Variants in YTHDF2 observed in about 807,000 individuals in gnomAD.
YTHDF2 encodes YTH N6-methyladenosine RNA binding protein F2.
YTHDF2 carries 2 observed loss-of-function variants against 50.4 expected under a neutral mutation model. The observed-to-expected ratio is 0.04, with a 90% confidence interval of 0.02 to 0.12. The LOEUF (loss-of-function observed/expected upper bound fraction) is 0.12. Among genes scored for constraint, YTHDF2 ranks in the 10% least tolerant of loss-of-function variants. YTHDF2 has a pLI of 1.00. For missense variants in YTHDF2, 483 were observed against 722.6 expected (o/e 0.67, Z 3.80); for synonymous variants, 217 against 255.6 (o/e 0.85, Z 1.44).
At chr1:28,751,912 G>A (rs1039321378) in intron 4 of YTHDF2, among the ~76,000 whole-genome samples, 2 of 152,200 alleles carry the variant, frequency 1.3e-5, no homozygotes, top group Non-Finnish European at 2.9e-5. Flanking sequence ...AGTAATAATA[G>A]AATGATAAGC....
chr1:28,744,449 C>T (rs528403101), intron 4 of YTHDF2, among the ~76,000 whole-genome samples: 1 of 152,270 alleles, frequency 6.6e-6, no homozygotes, highest in Non-Finnish European at 1.5e-5. Flanking sequence ...CTTGAAATCA[C>T]TTCTGTCTTC....
At chr1:28,752,999 C>G (rs2087980128) in intron 4 of YTHDF2, among the ~76,000 whole-genome samples, 1 of 151,292 alleles carries the variant, frequency 6.6e-6, no homozygotes, top group African/African-American at 2.4e-5. Context: ...GAGCTGTGAT[C>G]ATGCCACTGC....
intron 4 of YTHDF2, among the ~76,000 whole-genome samples, chr1:28,746,489 C>G (rs2087862652): frequency 6.6e-6 from 1 of 151,646 alleles, no homozygotes; most frequent in South Asian, 2.1e-4. Context: ...CTTGTAATCC[C>G]AGCACATTGG....
chr1:28,750,634 ATAAG>A (rs1397467210), intron 4 of YTHDF2, among the ~76,000 whole-genome samples: 4 of 152,218 alleles, frequency 2.6e-5, no homozygotes, highest in Admixed American at 6.5e-5. Flanking sequence ...TACACGTAAA[ATAAG>A]TAAGAACGGA....
intron 4 of YTHDF2, among the ~76,000 whole-genome samples, chr1:28,752,296 T>TTTGTTGTTGTTG (rs56879000): frequency 6.6e-6 from 1 of 151,290 alleles, no homozygotes; most frequent in Non-Finnish European, 1.5e-5. Context: ...CTGTGGTGTT[T>TTTGTTGTTGTTG]TTGTTGTTGT....
intron 4 of YTHDF2, among the ~76,000 whole-genome samples, chr1:28,756,082 ACT>A (rs762050789): frequency 1.7e-4 from 26 of 151,926 alleles, no homozygotes; most frequent in Non-Finnish European, 3.5e-4. Context: ...CATTCAAAAG[ACT>A]CTGCATGTTT....
At position 28,743,222 on chromosome 1, in the gene YTHDF2, G is replaced by A. The variant is rs766300241; in HGVS notation, c.952G>A (p.Ala318Thr). Residue 318 changes from alanine (A) to threonine (T), a missense_variant, in exon 4 of 5, where the codon GCT (alanine) becomes ACT (threonine). Physicochemically the swap from Ala to Thr is moderately conservative, Grantham distance 58. Around this residue, in one of 4 missense-constraint regions of YTHDF2, gnomAD observed 385 missense variants for 475.8 expected, o/e 0.81. Transcript: ENST00000373812. This position sits in a 1 kb window ranked among gnomAD's most constrained non-coding sequence, Gnocchi z 6.9. ...GQQANNSPPV[A>T]QASVGQQTQP... ...GCAGGCTAACAATAGCCCACCAGTG[G>A]CTCAGGCATCAGTAGGGCAACAGAC... 11 of 1,614,092 alleles carry A rather than the reference G, an allele frequency of 6.8e-6. No individual in the cohort carries two copies. The highest frequency in any genetic ancestry group is 9.3e-6 in the Non-Finnish European group (11 of 1,180,030).
At chr1:28,741,908 TGTA>T (rs760108909) in intron 3 of YTHDF2, among the ~76,000 whole-genome samples, 1 of 152,224 alleles carries the variant, frequency 6.6e-6, no homozygotes, top group Non-Finnish European at 1.5e-5. Flanking sequence ...TTTACTTAGT[TGTA>T]GTGCTAAAGC....
chr1:28,762,793 G>T (rs1369294671), intron 4 of YTHDF2, among the ~76,000 whole-genome samples: 1 of 152,066 alleles, frequency 6.6e-6, no homozygotes, highest in East Asian at 1.9e-4. Flanking sequence ...ATGGCTTTTT[G>T]TATATTTCCT....
intron 3 of YTHDF2, chr1:28,739,218 A>C (rs1473778321): frequency 6.6e-6 from 1 of 151,716 alleles, no homozygotes; most frequent in Non-Finnish European, 1.5e-5. Context: ...AAAAATAGTC[A>C]CCTGAACTTC....
chr1:28,755,283 G>C (rs906509624), intron 4 of YTHDF2, among the ~76,000 whole-genome samples: 7 of 152,106 alleles, frequency 4.6e-5, no homozygotes, highest in African/African-American at 1.7e-4. Flanking sequence ...ACAGGAATTT[G>C]AATTTTCAAC....
At chr1:28,754,705 G>A (rs1231878373) in intron 4 of YTHDF2, among the ~76,000 whole-genome samples, 1 of 151,886 alleles carries the variant, frequency 6.6e-6, no homozygotes, top group African/African-American at 2.4e-5. Flanking sequence ...TCAGGGGGCT[G>A]GGGCAGGAGA....
intron 4 of YTHDF2, among the ~76,000 whole-genome samples, chr1:28,751,119 G>A (rs1414644218): frequency 1.6e-4 from 9 of 57,220 alleles, no homozygotes; most frequent in Non-Finnish European, 3.1e-4. Context: ...AAGGCTGGGC[G>A]TGGTGGTGCA....
Position 28,769,716 on chromosome 1 carries a change from A to G in YTHDF2, c.*764A>G, listed in dbSNP as rs1173120273. The G allele has an allele frequency of 4.6e-5, 7 of 152,676 alleles. No individual in the cohort carries two copies. Among genetic ancestry groups the G allele is most frequent in the Admixed American group, 1.3e-4 (2 of 15,282 alleles). The allele number at this position is 152,676 out of a possible 1,614,324, so 9.5% of individuals were successfully genotyped here. A position where few individuals can be genotyped will look rare whatever the true frequency, so the allele number is the denominator to read the frequency against. ...CTTGTTCAGCCAATGAGGAAAGGGC[A>G]TTGCCTTTCTTTTTACCATTAATCA... On this transcript the variant is annotated 3_prime_UTR_variant, in exon 5 of 5. Transcript: ENST00000373812.
At chr1:28,755,565 G>A (rs1279837933) in intron 4 of YTHDF2, among the ~76,000 whole-genome samples, 1 of 152,170 alleles carries the variant, frequency 6.6e-6, no homozygotes, top group Non-Finnish European at 1.5e-5. Context: ...TAATTCTGCA[G>A]CGTGGTTCTA....
Position 28,759,695 on chromosome 1 carries a change from C to T in YTHDF2, c.1717-9234C>T, listed in dbSNP as rs200736581. Among the ~76,000 whole-genome samples the T allele has an allele frequency of 3.9e-5, 6 of 152,316 alleles. No individual in the cohort carries two copies. The East Asian group carries it at 1.2e-3, about 29-fold the overall frequency. ...AGGGGACTGGGTACGGTGGTGCACG[C>T]CTGTAATCCCAGCACTTTGGGAGGC... On this transcript the variant is annotated intron_variant, in intron 4 of 4. Transcript: ENST00000373812.
chr1:28,751,551 A>G (rs751772545), intron 4 of YTHDF2, among the ~76,000 whole-genome samples: 1 of 152,184 alleles, frequency 6.6e-6, no homozygotes, highest in East Asian at 1.9e-4. Flanking sequence ...TTTTATTTGT[A>G]TTACTCATCA....
At chr1:28,755,170 G>A (rs1177641513) in intron 4 of YTHDF2, among the ~76,000 whole-genome samples, 1 of 152,136 alleles carries the variant, frequency 6.6e-6, no homozygotes, top group Non-Finnish European at 1.5e-5. Context: ...TTAGGGTTAG[G>A]ATTTGGGGTT....
rs561192246 is a variant in YTHDF2, at chr1:28,740,225, T to C, written c.132+1887T>C. 4.0e-4 allele frequency: 61 copies of C among 152,354 alleles called. No individual in the cohort carries two copies. The Middle Eastern group carries it at 0.014, about 34-fold the overall frequency. The allele number at this position is 152,354 out of a possible 1,614,324, so 9.4% of individuals were successfully genotyped here. On this transcript the variant is annotated intron_variant, in intron 3 of 4. Coordinates refer to ENST00000373812, the MANE Select transcript of YTHDF2 (RefSeq NM_016258.3). ...AAGTAGTTTGCTTACATAATCATTA[T>C]AACAGGGAGAGTTGGAGCATTTAGA...
Sources: gnomAD v4.1 joint callset for allele counts (sites outside exome capture counted in the v4.1 genomes callset) on GRCh38, gnomAD v4.1.1 for gene constraint, gnomAD v4.1.1 regional missense constraint, Gnocchi (gnomAD v3.1) non-coding constraint, MANE v1.5 for transcripts, NCBI Gene and HGNC (gene_info 2026-07-23, HGNC 2026-07-21) for gene names.